Variants in SRCIN1 observed in about 807,000 individuals in gnomAD.
SRCIN1 encodes P130Cas-associated protein.
In SRCIN1, 50 loss-of-function variants were observed where a neutral mutation model predicts 116.2. The ratio of observed to expected loss-of-function variants is 0.43; its 90% CI spans 0.34 to 0.54. The LOEUF (loss-of-function observed/expected upper bound fraction) is 0.54, where lower values mean the gene tolerates loss of function less well. SRCIN1 is among the 20% of genes least tolerant of loss of function. The pLI is 0.02. For missense variants in SRCIN1, 1,446 were observed against 1,672.0 expected (o/e 0.86, Z 2.36); for synonymous variants, 736 against 750.0 (o/e 0.98, Z 0.30).
In SRCIN1 at chr17:38,552,038, C is replaced by T. The variant is rs543553569; in HGVS notation, c.2575G>A (p.Asp859Asn). 51 of 1,613,800 alleles carry T rather than the reference C, an allele frequency of 3.2e-5. No homozygotes were observed. The South Asian group carries it at 5.4e-4, about 17-fold the overall frequency. The change falls in exon 14 of 19, where the codon GAC (aspartate) becomes AAC (asparagine). Residue 859 changes from aspartate to asparagine, a missense_variant. Around this residue, in one of 5 missense-constraint regions of SRCIN1, gnomAD observed 531 missense variants for 633.9 expected, o/e 0.84. Coordinates refer to ENST00000617146, the MANE Select transcript of SRCIN1 (RefSeq NM_025248.3). This position sits in a 1 kb window ranked among gnomAD's most constrained non-coding sequence, Gnocchi z 5.3. Reference protein sequence around the residue: ...TAETDFNKSVDFEMPPPSPPL... With the variant: ...TAETDFNKSVNFEMPPPSPPL... ...GGGCTGGGGGGTGGCATTTCGAAGT[C>T]CACGCTCTTGTTGAAGTCAGTCTCT...
Position 38,564,323 on chromosome 17 carries a change from C to T in SRCIN1, c.346-10G>A. The T allele has an allele frequency of 6.5e-7, 1 of 1,537,506 alleles. No homozygotes were observed. The highest frequency in any genetic ancestry group is 8.7e-7 in the Non-Finnish European group (1 of 1,145,864). ...GGCGTGAGCTGCGGGTCTGCAGGGG[C>T]CGGGCAGGGTGAGAGGAACCAAGGA... On this transcript the variant is annotated splice_polypyrimidine_tract_variant and intron_variant, in intron 3 of 18. Coordinates refer to ENST00000617146, the MANE Select transcript of SRCIN1 (RefSeq NM_025248.3).
Position 38,561,770 on chromosome 17 carries a change from C to G in SRCIN1, c.1393G>C (p.Gly465Arg). 6.7e-7 allele frequency: 1 copy of G among 1,503,350 alleles called. No homozygotes were observed. The allele number at this position is 1,503,350 out of a possible 1,614,324, so 93.1% of individuals were successfully genotyped here. A position where few individuals can be genotyped will look rare whatever the true frequency, so the allele number is the denominator to read the frequency against. ...GAAGGCGGCAGGCGGAAGCCGTAGC[C>G]GTCGCCGTACAGCGGGCCGCCGCCG... ...AGGGGPLYGD[G>R]YGFRLPPSSP... Residue 465 changes from glycine (G) to arginine (R), a missense_variant, in exon 7 of 19, where the codon GGC (glycine) becomes CGC (arginine). This residue lies in a region of SRCIN1 where 398 missense variants were observed against 385.6 expected (regional missense o/e 1.03). Transcript: ENST00000617146.
In SRCIN1 at chr17:38,585,934, C is replaced by G. The variant is rs951127623; in HGVS notation, c.23-7143G>C. Among the ~76,000 whole-genome samples the G allele has an allele frequency of 1.3e-5, 2 of 152,148 alleles. No homozygotes were observed. Among genetic ancestry groups the G allele is most frequent in the Non-Finnish European group, 2.9e-5 (2 of 68,020 alleles). On this transcript the variant is annotated intron_variant, in intron 1 of 18. Coordinates refer to ENST00000617146, the MANE Select transcript of SRCIN1 (RefSeq NM_025248.3). This position sits in a 1 kb window ranked among gnomAD's most constrained non-coding sequence, Gnocchi z 4.2. The stretch of plus-strand genomic sequence containing the variant: ...TGGCACAGAGCGGGGGCCAGAAACT[C>G]TGCACCTCCCCACGGTGATCCCCAC...
chr17:38,533,913 C>T (rs1337588298), intron 18 of SRCIN1, among the ~76,000 whole-genome samples: 4 of 151,894 alleles, frequency 2.6e-5, no homozygotes, highest in Non-Finnish European at 5.9e-5. Context: ...ATCCTGGTGG[C>T]AACAGAGGAG....
rs149123866 is a variant in SRCIN1, at chr17:38,571,254, T to C, written c.325-3023A>G. Among the ~76,000 whole-genome samples, 251 of 152,282 alleles carry C rather than the reference T, an allele frequency of 1.6e-3. 1 individual carries two copies. Among genetic ancestry groups the C allele is most frequent in the African/African-American group, 5.7e-3 (235 of 41,548 alleles). ...CCAACTTCCAGCACCCTGTACCTCC[T>C]CACCCCTTTCCAGGGTGTCTGTTCC... On this transcript the variant is annotated intron_variant, in intron 2 of 18. Transcript: ENST00000617146.
intron 17 of SRCIN1, among the ~76,000 whole-genome samples, chr17:38,548,086 A>T (rs1225597869): frequency 6.6e-6 from 1 of 152,026 alleles, no homozygotes; most frequent in Non-Finnish European, 1.5e-5. Context: ...GGTCTCCCGC[A>T]CTGGAGCTGG....
chr17:38,574,737 G>A, intron 2 of SRCIN1: 1 of 397,810 alleles, frequency 2.5e-6, no homozygotes, highest in Non-Finnish European at 4.4e-6. Context: ...GAAGTCTCCT[G>A]AAAATAGGGG....
chr17:38,570,912 G>C (rs781003699), intron 2 of SRCIN1, among the ~76,000 whole-genome samples: 8 of 152,248 alleles, frequency 5.3e-5, no homozygotes, highest in Non-Finnish European at 1.2e-4. Flanking sequence ...GAGATGTTGA[G>C]ATCAAAATCT....
chr17:38,561,717 T>C lies in SRCIN1; in HGVS notation c.1446A>G (p.Ala482=), dbSNP rs768134162. The change falls in exon 7 of 19, where the codon GCA becomes GCG. Residue 482 remains alanine (A), a synonymous_variant. Coordinates refer to ENST00000617146, the MANE Select transcript of SRCIN1 (RefSeq NM_025248.3). ...GTGGCGGGGGACCTCCGGGGGGTGCTGCCACGTCGGCCAGCTTCTGCGGTG... is the reference window on the plus strand; with the variant it reads ...GTGGCGGGGGACCTCCGGGGGGTGCCGCCACGTCGGCCAGCTTCTGCGGTG... The part of the protein sequence containing the change: ...PSSPQKLADV[A]APPGGPPPPH... 3.9e-6 allele frequency: 6 copies of C among 1,531,264 alleles called. No individual in the cohort carries two copies. The highest frequency in any genetic ancestry group is 2.0e-5 in the Admixed American group (1 of 50,532). 94.9% of individuals were successfully genotyped at this position (1,531,264 alleles called of 1,614,324 possible).
chr17:38,576,184 CAATCTCCCCAAA>C (rs1907406466), intron 2 of SRCIN1, among the ~76,000 whole-genome samples: 2 of 152,136 alleles, frequency 1.3e-5, no homozygotes, highest in African/African-American at 4.8e-5. Context: ...TTTCCTGGCC[CAATCTCCCCAAA>C]ATAAGTCTGT....
chr17:38,541,106 G>A (rs1164070748), intron 18 of SRCIN1, among the ~76,000 whole-genome samples: 1 of 151,952 alleles, frequency 6.6e-6, no homozygotes, highest in African/African-American at 2.4e-5. Flanking sequence ...AGGCTTGGTG[G>A]TGGGCGCCTG....
At chr17:38,581,793 A>G (rs1567877778) in intron 1 of SRCIN1, among the ~76,000 whole-genome samples, 1 of 152,142 alleles carries the variant, frequency 6.6e-6, no homozygotes, top group Admixed American at 6.5e-5. Context: ...TGGCTAAAGG[A>G]GAGTGGCCTG....
At chr17:38,571,992 G>A (rs921221584) in intron 2 of SRCIN1, among the ~76,000 whole-genome samples, 2 of 152,086 alleles carry the variant, frequency 1.3e-5, no homozygotes, top group Admixed American at 1.3e-4. Context: ...GAGGGGCTAG[G>A]GCCCCTGGGG....
chr17:38,542,666 AG>A, intron 18 of SRCIN1: 1 of 157,266 alleles, frequency 6.4e-6, no homozygotes. Flanking sequence ...GGGAGCCAGT[AG>A]GGAGGCAGGG....
At chr17:38,589,769 C>T (rs1908341903) in intron 1 of SRCIN1, among the ~76,000 whole-genome samples, 1 of 152,200 alleles carries the variant, frequency 6.6e-6, no homozygotes, top group African/African-American at 2.4e-5. Context: ...TAGCTCTCAC[C>T]TCATGGGTTA....
At chr17:38,553,576 C>G (rs1905590045) in intron 11 of SRCIN1, among the ~76,000 whole-genome samples, 1 of 152,140 alleles carries the variant, frequency 6.6e-6, no homozygotes, top group East Asian at 1.9e-4. Context: ...CTCACATGAT[C>G]CAGCCACACA....
intron 14 of SRCIN1, 29 bp downstream of exon 14, chr17:38,551,857 G>A (rs1905440023): frequency 5.6e-6 from 9 of 1,612,408 alleles, no homozygotes; most frequent in East Asian, 4.5e-5. Flanking sequence ...CTGGCTCATG[G>A]CCCCACCCAC....
intron 1 of SRCIN1, among the ~76,000 whole-genome samples, chr17:38,584,935 G>C (rs919660263): frequency 2.6e-5 from 4 of 152,158 alleles, no homozygotes; most frequent in African/African-American, 9.7e-5. Flanking sequence ...AGGGAGAAGA[G>C]AACTCTCTGG....
chr17:38,548,792 A>G (rs1315048418), intron 16 of SRCIN1, 83 bp from the exon 17 acceptor site: 2 of 1,444,398 alleles, frequency 1.4e-6, no homozygotes, highest in Non-Finnish European at 1.8e-6. Flanking sequence ...TCGCCCATGT[A>G]CCCCAGCTTC....
Sources: allele counts gnomAD v4.1 joint callset (sites outside exome capture counted in the v4.1 genomes callset), GRCh38; gene constraint gnomAD v4.1.1; regional missense constraint gnomAD v4.1.1; non-coding constraint Gnocchi (gnomAD v3.1); transcripts MANE v1.5; gene names NCBI Gene and HGNC (gene_info 2026-07-23, HGNC 2026-07-21).